The following FANCC variants were observed in gnomAD, a reference collection of about 807,000 sequenced individuals.
The protein encoded by FANCC is FA complementation group C.
FANCC carries 55 observed loss-of-function variants against 71.3 expected under a neutral mutation model. The observed-to-expected ratio is 0.77, with a 90% confidence interval of 0.62 to 0.97. The LOEUF is 0.97. Among genes scored for constraint, FANCC ranks in the 50% least tolerant of loss-of-function variants. FANCC has a pLI of 0.00. For missense variants in FANCC, 678 were observed against 670.9 expected, an observed-to-expected ratio of 1.01 and a Z score of -0.12; for synonymous variants, 275 against 244.9, an observed-to-expected ratio of 1.12 and a Z score of -1.15.
intron 1 of FANCC, among the ~76,000 whole-genome samples, chr9:95,257,929 G>C (rs1244736749): frequency 2.0e-5 from 3 of 152,172 alleles, no homozygotes; most frequent in African/African-American, 7.2e-5. Context: ...AGAAAATCTA[G>C]AAGAAATGGA....
At chr9:95,201,336 A>C (rs940517680) in intron 4 of FANCC, among the ~76,000 whole-genome samples, 8 of 152,210 alleles carry the variant, frequency 5.3e-5, no homozygotes, top group Admixed American at 2.6e-4. Context: ...AGGAAAAATA[A>C]ACCATGCTGC....
intron 7 of FANCC, among the ~76,000 whole-genome samples, chr9:95,140,075 C>T (rs976929674): frequency 6.6e-6 from 1 of 151,818 alleles, no homozygotes; most frequent in African/African-American, 2.4e-5. Context: ...AACTTGACTC[C>T]CCCAAATCCC....
At chr9:95,136,380 CT>C in intron 7 of FANCC, among the ~76,000 whole-genome samples, 1 of 151,712 alleles carries the variant, frequency 6.6e-6, no homozygotes, top group East Asian at 1.9e-4. Context: ...AAGACCCTGT[CT>C]CAAAAGAAAA....
intron 2 of FANCC, among the ~76,000 whole-genome samples, chr9:95,248,577 CATAAT>C (rs1158408897): frequency 4.6e-5 from 7 of 151,964 alleles, no homozygotes; most frequent in South Asian, 2.1e-4. Flanking sequence ...AATACTAGCT[CATAAT>C]ATAACAACAT....
At chr9:95,203,775 T>C (rs1827947851) in intron 4 of FANCC, among the ~76,000 whole-genome samples, 1 of 152,240 alleles carries the variant, frequency 6.6e-6, no homozygotes, top group Non-Finnish European at 1.5e-5. Context: ...TTTACATTTT[T>C]TTGCAAATCT....
At chr9:95,148,658 T>C (rs921677328) in intron 7 of FANCC, among the ~76,000 whole-genome samples, 2 of 152,216 alleles carry the variant, frequency 1.3e-5, no homozygotes, top group Non-Finnish European at 2.9e-5. Context: ...GTTTGGAAGA[T>C]ATACATAACT....
rs544113342 is a variant in FANCC at position 95,292,480 on chromosome 9, G to A, written c.-79+25046C>T. 2.2e-3 allele frequency: 2,870 copies of A among 1,333,074 alleles called. 61 individuals are homozygous for A. In the African/African-American group the frequency reaches 0.04, roughly 19 times the overall value. 82.6% of individuals were successfully genotyped at this position (1,333,074 alleles called of 1,614,324 possible). On this transcript the variant is annotated intron_variant, in intron 1 of 14. Coordinates refer to ENST00000289081, the MANE Select transcript of FANCC (RefSeq NM_000136.3). Reference sequence around the variant, plus strand: ...CCGGGACCCCGACTGAGGGGCAGCCGGCCGCGGCCCGCGGGGGTGACGCAG... The same window carrying A: ...CCGGGACCCCGACTGAGGGGCAGCCAGCCGCGGCCCGCGGGGGTGACGCAG...
chr9:95,152,479 G>C (rs1422392464), intron 6 of FANCC, among the ~76,000 whole-genome samples: 1 of 152,206 alleles, frequency 6.6e-6, no homozygotes, highest in South Asian at 2.1e-4. Flanking sequence ...TCTGAAAATA[G>C]CAAGGGGACC....
At chr9:95,119,156 T>C (rs772535639) in intron 10 of FANCC, among the ~76,000 whole-genome samples, 1 of 152,228 alleles carries the variant, frequency 6.6e-6, no homozygotes, top group African/African-American at 2.4e-5. Flanking sequence ...CAAATGACGC[T>C]GAACAGTTTT....
intron 1 of FANCC, among the ~76,000 whole-genome samples, chr9:95,311,370 G>A (rs1236039619): frequency 6.6e-6 from 1 of 151,776 alleles, no homozygotes; most frequent in Non-Finnish European, 1.5e-5. Context: ...TAAGTAAACA[G>A]TAACAACCAA....
intron 10 of FANCC, among the ~76,000 whole-genome samples, chr9:95,121,136 T>C (rs559084841): frequency 6.6e-6 from 1 of 152,366 alleles, no homozygotes; most frequent in South Asian, 2.1e-4. Flanking sequence ...TTATCATTTT[T>C]ATCTGTGGGA....
chr9:95,227,254 C>T (rs1424147677), intron 4 of FANCC, among the ~76,000 whole-genome samples: 1 of 152,162 alleles, frequency 6.6e-6, no homozygotes, highest in African/African-American at 2.4e-5. Flanking sequence ...TTCCAACTTG[C>T]CTTGCCTGCA....
intron 4 of FANCC, among the ~76,000 whole-genome samples, chr9:95,188,243 C>G (rs1406912334): frequency 6.6e-6 from 1 of 152,330 alleles, no homozygotes; most frequent in African/African-American, 2.4e-5. Flanking sequence ...GAGATGCAAT[C>G]TTCACTGTCT....
intron 4 of FANCC, among the ~76,000 whole-genome samples, chr9:95,223,083 A>G (rs1829382504): frequency 1.3e-5 from 2 of 152,238 alleles, no homozygotes; most frequent in African/African-American, 2.4e-5. Flanking sequence ...TGGATAAACT[A>G]TCAGTAACCA....
At chr9:95,298,538 A>T (rs1175718262) in intron 1 of FANCC, among the ~76,000 whole-genome samples, 1 of 152,224 alleles carries the variant, frequency 6.6e-6, no homozygotes, top group Non-Finnish European at 1.5e-5. Flanking sequence ...GGAGGATGAG[A>T]AAAGGTCTGG....
chr9:95,284,521 C>T (rs1227573986), intron 1 of FANCC, among the ~76,000 whole-genome samples: 1 of 152,126 alleles, frequency 6.6e-6, no homozygotes, highest in Non-Finnish European at 1.5e-5. Context: ...TACTTGAGAG[C>T]AAGACTCAAA....
At chr9:95,251,513 A>G (rs1399905780) in intron 1 of FANCC, among the ~76,000 whole-genome samples, 2 of 152,006 alleles carry the variant, frequency 1.3e-5, no homozygotes, top group African/African-American at 4.8e-5. Context: ...ACGGGGTCTC[A>G]CCATGTTGGC....
chr9:95,294,242 AT>A, intron 1 of FANCC: 1 of 1,582,078 alleles, frequency 6.3e-7, no homozygotes. Context: ...CCTGGAATCA[AT>A]TTTGATATTG....
At position 95,184,896 on chromosome 9, in the gene FANCC, A is replaced by G. The variant is rs535470877; in HGVS notation, c.346-12749T>C. On this transcript the variant is annotated intron_variant, in intron 4 of 14. Coordinates refer to ENST00000289081, the MANE Select transcript of FANCC (RefSeq NM_000136.3). ...GCTGAACGTCCTAAAGGTACCAAGTACAGTAAAGCTAATCAGATACTTCAC... is the reference window on the plus strand; with the variant it reads ...GCTGAACGTCCTAAAGGTACCAAGTGCAGTAAAGCTAATCAGATACTTCAC... Among the ~76,000 whole-genome samples the G allele has an allele frequency of 3.3e-5, 5 of 152,354 alleles. No individual in the cohort carries two copies. In the South Asian group the frequency reaches 1.0e-3, roughly 32 times the overall value.
Sources: allele counts gnomAD v4.1 joint callset (sites outside exome capture counted in the v4.1 genomes callset), GRCh38; gene constraint gnomAD v4.1.1; transcripts MANE v1.5; gene names NCBI Gene and HGNC (gene_info 2026-07-23, HGNC 2026-07-21).